The following PTPRK variants were observed in gnomAD, a reference collection of about 807,000 sequenced individuals.
PTPRK encodes the protein receptor-type tyrosine-protein phosphatase kappa.
Under a neutral mutation model 178.0 loss-of-function variants are expected in PTPRK, and 75 were observed. That is an observed-to-expected ratio of 0.42 (90% CI 0.35 to 0.51). PTPRK has a LOEUF of 0.51. Among genes scored for constraint, PTPRK ranks in the 20% least tolerant of loss-of-function variants. The pLI, the probability that PTPRK is intolerant of heterozygous loss-of-function variation, is 0.02. For synonymous variants in PTPRK, 637 were observed against 620.6 expected (o/e 1.03, Z -0.39); for missense variants, 1,441 against 1,797.8 (o/e 0.80, Z 3.59).
At chr6:128,131,232 G>A (rs1031037004) in intron 7 of PTPRK, among the ~76,000 whole-genome samples, 4 of 152,198 alleles carry the variant, frequency 2.6e-5, no homozygotes, top group Non-Finnish European at 4.4e-5. Context: ...GTCACTGGAA[G>A]ATAAAGAAGC....
intron 3 of PTPRK, among the ~76,000 whole-genome samples, chr6:128,292,391 TA>T (rs1823530248): frequency 1.3e-5 from 2 of 152,132 alleles, no homozygotes; most frequent in Non-Finnish European, 1.5e-5. Flanking sequence ...CCTAGATGAA[TA>T]TTTTTAAAAT....
intron 2 of PTPRK, among the ~76,000 whole-genome samples, chr6:128,367,293 C>A (rs1835642841): frequency 1.3e-5 from 2 of 152,110 alleles, no homozygotes; most frequent in African/African-American, 4.8e-5. Flanking sequence ...CCATCCCAAA[C>A]CCTCCCCATT....
chr6:128,397,541 A>C, intron 2 of PTPRK, 25 bp downstream of exon 2: 1 of 1,612,844 alleles, frequency 6.2e-7, no homozygotes, highest in Non-Finnish European at 8.5e-7. Context: ...TTCCCCCAAC[A>C]CTGACTAAAC....
intron 3 of PTPRK, among the ~76,000 whole-genome samples, chr6:128,308,805 T>C (rs888344317): frequency 5.3e-5 from 8 of 152,186 alleles, no homozygotes; most frequent in Non-Finnish European, 1.0e-4. Context: ...TGTCCTTCTG[T>C]ACATCAATTC....
In PTPRK at chr6:128,307,129, G is replaced by A. The variant is rs139390318; in HGVS notation, c.495+14910C>T. Among the ~76,000 whole-genome samples, 155 of 147,690 alleles carry A rather than the reference G, an allele frequency of 1.0e-3. 1 individual carries two copies. In the East Asian group the frequency reaches 0.027, roughly 26 times the overall value. ...TCAACATGGAAATTTCTAGCAGGCA[G>A]ATAGAAGGCTCAGAGCTCAGAAGAA... On this transcript the variant is annotated intron_variant, in intron 3 of 29. Coordinates refer to ENST00000368226, the MANE Select transcript of PTPRK (RefSeq NM_002844.4).
At chr6:128,074,068 T>C (rs1440731303) in intron 11 of PTPRK, among the ~76,000 whole-genome samples, 1 of 152,048 alleles carries the variant, frequency 6.6e-6, no homozygotes, top group East Asian at 1.9e-4. Context: ...ACTTAGAACA[T>C]CAGACAATTT....
chr6:128,091,145 T>C (rs920126969), intron 7 of PTPRK, among the ~76,000 whole-genome samples: 1 of 152,170 alleles, frequency 6.6e-6, no homozygotes, highest in Non-Finnish European at 1.5e-5. Flanking sequence ...AAATCTTAGA[T>C]TACAAAAATC....
chr6:128,044,519 C>T (rs1203983777), intron 13 of PTPRK, among the ~76,000 whole-genome samples: 1 of 151,956 alleles, frequency 6.6e-6, no homozygotes, highest in Non-Finnish European at 1.5e-5. Context: ...AATTCTCTAC[C>T]ATGGTTTACC....
chr6:128,411,448 G>A (rs571952500), intron 1 of PTPRK, among the ~76,000 whole-genome samples: 3 of 152,254 alleles, frequency 2.0e-5, no homozygotes, highest in Admixed American at 6.5e-5. Flanking sequence ...AGTAGGTGGG[G>A]CCTTAAAATT....
intron 3 of PTPRK, among the ~76,000 whole-genome samples, chr6:128,305,425 CT>C (rs1211753820): frequency 6.6e-6 from 1 of 152,104 alleles, no homozygotes; most frequent in African/African-American, 2.4e-5. Flanking sequence ...TATGACTCGC[CT>C]TGTTTATATA....
In PTPRK at chr6:128,144,431, T is replaced by C. The variant is rs191394318; in HGVS notation, c.1162+40001A>G. On this transcript the variant is annotated intron_variant, in intron 7 of 29. Coordinates refer to ENST00000368226, the MANE Select transcript of PTPRK (RefSeq NM_002844.4). ...GCCCTACTGCATCAAATATTGCCCATGGCAGGTCTAATGCATGTTGTTTAC... is the reference window on the plus strand; with the variant it reads ...GCCCTACTGCATCAAATATTGCCCACGGCAGGTCTAATGCATGTTGTTTAC... Among the ~76,000 whole-genome samples, 73 of 152,314 alleles carry C rather than the reference T, an allele frequency of 4.8e-4. 1 individual carries two copies. The highest frequency in any genetic ancestry group is 1.6e-3 in the African/African-American group (66 of 41,582).
intron 13 of PTPRK, 122 bp downstream of exon 13, chr6:128,064,636 T>TG (rs1781438902): frequency 7.9e-6 from 10 of 1,264,974 alleles, no homozygotes; most frequent in Non-Finnish European, 1.1e-5. Context: ...GACACCCACA[T>TG]GAGTCACAGA....
At position 128,263,824 on chromosome 6, in the gene PTPRK, C is replaced by T. The variant is rs540367635; in HGVS notation, c.496-21222G>A. Among the ~76,000 whole-genome samples the T allele has an allele frequency of 3.2e-4, 48 of 152,242 alleles. 1 individual carries two copies. The highest frequency in any genetic ancestry group is 1.1e-3 in the African/African-American group (44 of 41,544). ...TCATGAGGACACAGAAGAGGTTTTC[C>T]TGTCTTCACATGAAAGAGTACCTTG... On this transcript the variant is annotated intron_variant, in intron 3 of 29. Coordinates refer to ENST00000368226, the MANE Select transcript of PTPRK (RefSeq NM_002844.4).
chr6:128,333,822 G>A (rs906577276), intron 2 of PTPRK, among the ~76,000 whole-genome samples: 3 of 152,202 alleles, frequency 2.0e-5, no homozygotes, highest in Admixed American at 2.0e-4. Context: ...ACAGGAACAA[G>A]AGGCCCAGCT....
chr6:128,456,558 T>C (rs1848422156), intron 1 of PTPRK, among the ~76,000 whole-genome samples: 1 of 152,048 alleles, frequency 6.6e-6, no homozygotes, highest in African/African-American at 2.4e-5. Flanking sequence ...ACTGAAGTTA[T>C]GCAGTCCCTC....
chr6:128,445,069 T>A (rs1050870577), intron 1 of PTPRK, among the ~76,000 whole-genome samples: 30 of 151,626 alleles, frequency 2.0e-4, no homozygotes, highest in African/African-American at 7.0e-4. Flanking sequence ...CTCCTTTCTA[T>A]TATAGAATAA....
At chr6:128,075,741 C>A (rs145990931) in intron 11 of PTPRK, among the ~76,000 whole-genome samples, 1 of 151,922 alleles carries the variant, frequency 6.6e-6, no homozygotes, top group Non-Finnish European at 1.5e-5. Context: ...AAACTAAACA[C>A]GAAAACTCTA....
chr6:128,016,776 A>G (rs2114744010), intron 13 of PTPRK, among the ~76,000 whole-genome samples: 1 of 152,060 alleles, frequency 6.6e-6, no homozygotes, highest in Admixed American at 6.6e-5. Flanking sequence ...TGTATAGTAG[A>G]AAGTTGTTTC....
At chr6:128,238,526 C>G (rs1227793695) in intron 5 of PTPRK, among the ~76,000 whole-genome samples, 1 of 152,154 alleles carries the variant, frequency 6.6e-6, no homozygotes, top group African/African-American at 2.4e-5. Flanking sequence ...GCCTCTAGAT[C>G]TCCAAGAAAA....
Sources: gnomAD v4.1 joint callset for allele counts (sites outside exome capture counted in the v4.1 genomes callset) on GRCh38, gnomAD v4.1.1 for gene constraint, MANE v1.5 for transcripts, NCBI Gene and HGNC (gene_info 2026-07-23, HGNC 2026-07-21) for gene names.